Variants in CAST observed in about 807,000 individuals in gnomAD.
CAST encodes the protein calpastatin, also known as MIR583 host.
In CAST, 76 loss-of-function variants were observed where a neutral mutation model predicts 119.6. The ratio of observed to expected loss-of-function variants is 0.64; its 90% CI spans 0.53 to 0.77. CAST has a LOEUF of 0.77. CAST is among the 30% of genes least tolerant of loss of function. The pLI is 0.00. For synonymous variants in CAST, 319 were observed against 331.6 expected (o/e 0.96, Z 0.41); for missense variants, 953 against 946.5 (o/e 1.01, Z -0.09).
the CAST span, among the ~76,000 whole-genome samples, chr5:96,447,707 G>A: frequency 6.6e-6 from 1 of 152,138 alleles, no homozygotes; most frequent in African/African-American, 2.4e-5. Flanking sequence ...TTATTTATAG[G>A]AAAGTAAAGT....
intron 9 of CAST, among the ~76,000 whole-genome samples, chr5:96,731,413 G>A (rs1012231962): frequency 1.4e-5 from 2 of 142,138 alleles, no homozygotes; most frequent in Non-Finnish European, 3.0e-5. Flanking sequence ...AAGATGAGAA[G>A]TTATCTACCT....
intron 1 of CAST, among the ~76,000 whole-genome samples, chr5:96,602,048 G>A (rs1747163788): frequency 6.6e-6 from 1 of 152,172 alleles, no homozygotes; most frequent in African/African-American, 2.4e-5. Context: ...TGTGAGAGGT[G>A]ACTAGACCTG....
chr5:96,273,973 T>C, the CAST span, among the ~76,000 whole-genome samples: 1 of 152,092 alleles, frequency 6.6e-6, no homozygotes, highest in Non-Finnish European at 1.5e-5. Flanking sequence ...CATATTCACC[T>C]GGGAGAGGAC....
chr5:96,468,462 T>G, the CAST span, among the ~76,000 whole-genome samples: 1 of 152,070 alleles, frequency 6.6e-6, no homozygotes, highest in African/African-American at 2.4e-5. Flanking sequence ...CTGATGAATG[T>G]TAGTGGGACC....
At chr5:96,422,341 T>G in the CAST span, among the ~76,000 whole-genome samples, 2 of 152,202 alleles carry the variant, frequency 1.3e-5, no homozygotes, top group South Asian at 4.1e-4. Context: ...AGTGACACTT[T>G]GACACTCATC....
the CAST span, among the ~76,000 whole-genome samples, chr5:96,369,253 A>G: frequency 1.3e-5 from 2 of 151,612 alleles, no homozygotes; most frequent in Middle Eastern, 3.4e-3. Context: ...TGAGTTTTTC[A>G]TTTTTTATTC....
At chr5:96,315,598 CTG>C in the CAST span, among the ~76,000 whole-genome samples, 4 of 152,174 alleles carry the variant, frequency 2.6e-5, no homozygotes, top group Admixed American at 1.3e-4. Flanking sequence ...ATTTAAAGGT[CTG>C]TAACTATGGT....
the CAST span, chr5:96,318,450 TA>T: frequency 6.6e-6 from 1 of 152,250 alleles, no homozygotes; most frequent in African/African-American, 2.4e-5. Context: ...CTGGACTGAT[TA>T]ATTTTATTCT....
Position 96,765,516 on chromosome 5 carries a change from A to G in CAST, c.2037+191A>G, listed in dbSNP as rs28580505. Among the ~76,000 whole-genome samples the G allele has an allele frequency of 0.23, 35,566 of 151,806 alleles. 4,718 individuals are homozygous for G. Among genetic ancestry groups the G allele is most frequent in the Non-Finnish European group, 0.32 (21,547 of 67,854 alleles). On this transcript the variant is annotated intron_variant, in intron 26 of 31. Transcript: ENST00000675179. ...AGGTCACTGAATCTGTGACAGAGAT[A>G]CCAGCGGAGCCTCCCTGAGGGGATT...
rs756680707 is a variant in CAST, at chr5:96,750,618, C to T, written c.1460C>T (p.Ser487Leu). 1.4e-5 allele frequency: 23 copies of T among 1,613,152 alleles called. No individual in the cohort carries two copies. The highest frequency in any genetic ancestry group is 4.5e-5 in the East Asian group (2 of 44,872). ...ESKAAAPAPV[S>L]EAVCRTSMCS... ...AAGGCCGCTGCTCCAGCTCCTGTGT[C>T]GGAGGCTGTGTGTCGGACCTCCATG... The change falls in exon 20 of 32, where the codon TCG becomes TTG. Residue 487 changes from serine (S) to leucine (L), a missense_variant. Coordinates refer to ENST00000675179, the MANE Select transcript of CAST (RefSeq NM_001750.7).
the CAST span, among the ~76,000 whole-genome samples, chr5:96,458,250 T>A: frequency 6.6e-6 from 1 of 152,236 alleles, no homozygotes; most frequent in Non-Finnish European, 1.5e-5. Flanking sequence ...TTTATTGGAA[T>A]GCAGCCACAC....
chr5:96,754,020 A>G (rs1269783224), intron 20 of CAST, 40 bp from the exon 21 acceptor site: 9 of 1,203,146 alleles, frequency 7.5e-6, no homozygotes, highest in Non-Finnish European at 1.1e-5. Context: ...AAAGGGAGTG[A>G]TTAACCACCT....
the CAST span, among the ~76,000 whole-genome samples, chr5:96,239,298 ATTGTT>A: frequency 6.6e-6 from 1 of 152,004 alleles, no homozygotes; most frequent in Non-Finnish European, 1.5e-5. Context: ...TTGCTGTTGT[ATTGTT>A]TTATTATTAA....
At chr5:96,594,018 C>G (rs1361284229) in intron 1 of CAST, among the ~76,000 whole-genome samples, 1 of 152,236 alleles carries the variant, frequency 6.6e-6, no homozygotes, top group Non-Finnish European at 1.5e-5. Context: ...AATTCCAGTG[C>G]ACCCACAATG....
chr5:96,682,748 G>C (rs1255799025), intron 2 of CAST, among the ~76,000 whole-genome samples: 3 of 152,078 alleles, frequency 2.0e-5, no homozygotes, highest in African/African-American at 7.2e-5. Flanking sequence ...CAGCTGTTTG[G>C]CAGGTGAATA....
the CAST span, among the ~76,000 whole-genome samples, chr5:96,027,885 G>A: frequency 6.6e-6 from 1 of 152,092 alleles, no homozygotes; most frequent in Non-Finnish European, 1.5e-5. Context: ...CGACCTGCCT[G>A]TTAGAAGATG....
the CAST span, among the ~76,000 whole-genome samples, chr5:96,265,416 T>C: frequency 2.0e-5 from 3 of 151,936 alleles, no homozygotes; most frequent in African/African-American, 7.3e-5. Flanking sequence ...TCATTCCAAG[T>C]CCAAAAGACC....
At chr5:96,751,974 A>C (rs1765162851) in intron 20 of CAST, among the ~76,000 whole-genome samples, 2 of 152,222 alleles carry the variant, frequency 1.3e-5, no homozygotes. Context: ...TCACTGAGGC[A>C]GTTGGCATTT....
chr5:96,156,313 G>T, the CAST span, among the ~76,000 whole-genome samples: 1 of 152,132 alleles, frequency 6.6e-6, no homozygotes, highest in Non-Finnish European at 1.5e-5. Flanking sequence ...TATGAGCCCT[G>T]GGCAGCACAT....
Sources: gnomAD v4.1 joint callset for allele counts (sites outside exome capture counted in the v4.1 genomes callset) on GRCh38, gnomAD v4.1.1 for gene constraint, MANE v1.5 for transcripts, NCBI Gene and HGNC (gene_info 2026-07-23, HGNC 2026-07-21) for gene names.